Variants in MICAL3 observed in about 807,000 individuals in gnomAD.
MICAL3 encodes microtubule associated monooxygenase, calponin and LIM domain containing 3.
Under a neutral mutation model 207.4 loss-of-function variants are expected in MICAL3, and 62 were observed. That is an observed-to-expected ratio of 0.30 (90% CI 0.24 to 0.37). MICAL3 has a LOEUF of 0.37. Among genes scored for constraint, MICAL3 ranks in the 10% least tolerant of loss-of-function variants. MICAL3 has a pLI of 1.00. For missense variants in MICAL3, 2,368 were observed against 2,635.6 expected (o/e 0.90, Z 2.22); for synonymous variants, 1,077 against 1,069.3 (o/e 1.01, Z -0.14).
intron 1 of MICAL3, chr22:17,980,867 G>A: frequency 1.9e-6 from 1 of 529,242 alleles, no homozygotes; most frequent in Non-Finnish European, 3.9e-6. Flanking sequence ...CTGCTCAACT[G>A]CACCCTCACT....
chr22:17,843,059 T>G (rs12160595), intron 19 of MICAL3, among the ~76,000 whole-genome samples: 2 of 143,028 alleles, frequency 1.4e-5, no homozygotes, highest in Admixed American at 1.5e-4. Flanking sequence ...AGGCGGAGCT[T>G]GCAGTGAACC....
intron 28 of MICAL3, 150 bp from the exon 29 acceptor site, chr22:17,809,087 A>G (rs1281129118): frequency 1.5e-6 from 1 of 645,566 alleles, no homozygotes; most frequent in African/African-American, 1.8e-5. Context: ...TGTGGCGTGG[A>G]GACCACCTGC....
At chr22:17,877,369 GGGAGGTGAGGGAGGTTAT>G (rs1928820122) in intron 16 of MICAL3, among the ~76,000 whole-genome samples, 4 of 21,530 alleles carry the variant, frequency 1.9e-4, no homozygotes, top group Non-Finnish European at 3.7e-4. Flanking sequence ...ATGGAGGTTA[GGGAGGTGAGGGAGGTTAT>G]GGAGGTTAGG....
At chr22:17,951,108 C>T (rs1296025545) in intron 1 of MICAL3, among the ~76,000 whole-genome samples, 2 of 152,198 alleles carry the variant, frequency 1.3e-5, no homozygotes, top group Non-Finnish European at 2.9e-5. Context: ...CCACTTCCTC[C>T]ACTGTCTCAA....
chr22:18,020,913 C>CAAATAAAT (rs200685200), intron 1 of MICAL3, among the ~76,000 whole-genome samples: 1,833 of 134,232 alleles, frequency 0.014, 18 homozygotes, highest in Non-Finnish European at 0.019. Context: ...GACCCTGTCT[C>CAAATAAAT]AAATAAATAA....
intron 17 of MICAL3, among the ~76,000 whole-genome samples, chr22:17,867,761 C>A (rs1193338552): frequency 6.6e-6 from 1 of 152,214 alleles, no homozygotes; most frequent in Admixed American, 6.5e-5. Flanking sequence ...TGGATGGAAG[C>A]TATAAAGTTA....
chr22:17,874,537 G>A (rs550817221), intron 16 of MICAL3, among the ~76,000 whole-genome samples: 170 of 152,324 alleles, frequency 1.1e-3, no homozygotes, highest in African/African-American at 3.8e-3. Flanking sequence ...GGCTGCCCGT[G>A]CAAAGGCATC....
intron 1 of MICAL3, among the ~76,000 whole-genome samples, chr22:17,970,973 GGAGTTC>G (rs1236857235): frequency 1.3e-5 from 2 of 152,090 alleles, no homozygotes; most frequent in Non-Finnish European, 2.9e-5. Flanking sequence ...CTTGAGCTCA[GGAGTTC>G]GAGACCAGCC....
chr22:17,831,708 C>G, intron 21 of MICAL3, 146 bp downstream of exon 21: 1 of 1,331,456 alleles, frequency 7.5e-7, no homozygotes, highest in Non-Finnish European at 1.0e-6. Context: ...CTCTGCCCCC[C>G]ATGTCTTATG....
intron 28 of MICAL3, among the ~76,000 whole-genome samples, chr22:17,810,211 T>A (rs775847084): frequency 1.3e-5 from 2 of 151,992 alleles, no homozygotes; most frequent in Non-Finnish European, 2.9e-5. Context: ...TACAGGCACT[T>A]GCCACCACGC....
chr22:17,833,821 G>C (rs1008971785), intron 20 of MICAL3, among the ~76,000 whole-genome samples: 1 of 152,110 alleles, frequency 6.6e-6, no homozygotes, highest in African/African-American at 2.4e-5. Context: ...GTATTGCTCA[G>C]GTGAGCAATA....
intron 1 of MICAL3, among the ~76,000 whole-genome samples, chr22:18,012,703 CG>C (rs1244422639): frequency 6.6e-6 from 1 of 152,190 alleles, no homozygotes; most frequent in African/African-American, 2.4e-5. Context: ...GACACGCCTA[CG>C]AAGAATGCTG....
chr22:18,000,343 A>G (rs1922802733), intron 1 of MICAL3, among the ~76,000 whole-genome samples: 1 of 152,236 alleles, frequency 6.6e-6, no homozygotes, highest in Non-Finnish European at 1.5e-5. Context: ...TCTGCATTAA[A>G]CACCATTAAA....
At chr22:17,999,132 T>C (rs946487978) in intron 1 of MICAL3, among the ~76,000 whole-genome samples, 1 of 152,110 alleles carries the variant, frequency 6.6e-6, no homozygotes, top group Non-Finnish European at 1.5e-5. Context: ...TTCATCTGGT[T>C]CCACCTGGAC....
chr22:17,977,158 G>A (rs992319702), intron 1 of MICAL3, among the ~76,000 whole-genome samples: 4 of 152,060 alleles, frequency 2.6e-5, no homozygotes, highest in Admixed American at 6.6e-5. Flanking sequence ...TGCAAATCCA[G>A]GTTTACTCAA....
At chr22:17,918,699 C>T (rs1050883831) in intron 1 of MICAL3, among the ~76,000 whole-genome samples, 7 of 152,176 alleles carry the variant, frequency 4.6e-5, no homozygotes, top group Non-Finnish European at 1.0e-4. Context: ...CCAGCCTCTC[C>T]ATCCCTGCTG....
At chr22:17,833,303 G>C (rs1004463750) in intron 20 of MICAL3, among the ~76,000 whole-genome samples, 1 of 137,898 alleles carries the variant, frequency 7.3e-6, no homozygotes, top group Non-Finnish European at 1.6e-5. Context: ...TTTCAGGAGA[G>C]GCCTTGCCTG....
Position 17,816,769 on chromosome 22 carries a change from C to T in MICAL3, c.5366G>A (p.Arg1789His), listed in dbSNP as rs201041100. ...TGAGTCCTCGGAGAAGCTCAGCTGGCGCCGGAGCTGCAGCTCTGTGGAGAG... is the reference window on the plus strand; with the variant it reads ...TGAGTCCTCGGAGAAGCTCAGCTGGTGCCGGAGCTGCAGCTCTGTGGAGAG... Reference protein sequence around the residue: ...PVVRAELQLRRQLSFSEDSDL... With the variant: ...PVVRAELQLRHQLSFSEDSDL... Residue 1789 changes from arginine to histidine, a missense_variant, in exon 27 of 32, where the codon CGC (arginine) becomes CAC (histidine). This residue lies in a region of MICAL3 where 1,770 missense variants were observed against 1,863.2 expected (regional missense o/e 0.95). Transcript: ENST00000441493. 651 of 1,550,530 alleles carry T rather than the reference C, an allele frequency of 4.2e-4. No individual in the cohort carries two copies. The highest frequency in any genetic ancestry group is 5.6e-4 in the Non-Finnish European group (637 of 1,147,098).
intron 19 of MICAL3, chr22:17,863,791 C>A: frequency 1.1e-5 from 11 of 985,464 alleles, no homozygotes; most frequent in Non-Finnish European, 1.2e-5. Flanking sequence ...ACTCTGGGAA[C>A]CTCTCGTTGA....
Sources: allele counts gnomAD v4.1 joint callset (sites outside exome capture counted in the v4.1 genomes callset), GRCh38; gene constraint gnomAD v4.1.1; regional missense constraint gnomAD v4.1.1; transcripts MANE v1.5; gene names NCBI Gene and HGNC (gene_info 2026-07-23, HGNC 2026-07-21).